The following GLIPR2 variants were observed in gnomAD, a reference collection of about 807,000 sequenced individuals.
The protein encoded by GLIPR2 is GLI pathogenesis related 2.
A neutral mutation model predicts 20.4 loss-of-function variants in GLIPR2; 21 were observed. The observed-to-expected ratio is 1.03, with a 90% confidence interval of 0.73 to 1.48. The LOEUF is 1.48. Among genes scored for constraint, GLIPR2 ranks in the 40% most tolerant of loss-of-function variants. The pLI, the probability that GLIPR2 is intolerant of heterozygous loss-of-function variation, is 0.00. For synonymous variants in GLIPR2, 91 were observed against 80.5 expected (o/e 1.13, Z -0.70); for missense variants, 205 against 200.1 (o/e 1.02, Z -0.15).
chr9:36,160,149 G>T (rs1293229271), intron 4 of GLIPR2, among the ~76,000 whole-genome samples: 2 of 151,930 alleles, frequency 1.3e-5, no homozygotes, highest in East Asian at 3.9e-4. Flanking sequence ...CAGCCTTCCC[G>T]ATTAGCTGGG....
intron 4 of GLIPR2, among the ~76,000 whole-genome samples, chr9:36,158,086 T>TA (rs1366223162): frequency 1.3e-5 from 2 of 152,256 alleles, no homozygotes; most frequent in Non-Finnish European, 2.9e-5. Flanking sequence ...GTGCTGGGAT[T>TA]ACAGGCGTGA....
intron 4 of GLIPR2, among the ~76,000 whole-genome samples, chr9:36,157,059 C>T (rs530240569): frequency 3.3e-5 from 5 of 152,006 alleles, no homozygotes; most frequent in East Asian, 3.9e-4. Context: ...CACTGTTGCC[C>T]GGGCTGGAGT....
chr9:36,138,452 T>C (rs951345880), intron 1 of GLIPR2, among the ~76,000 whole-genome samples: 1 of 152,168 alleles, frequency 6.6e-6, no homozygotes, highest in Non-Finnish European at 1.5e-5. Flanking sequence ...CTTGAACTCC[T>C]GACCTCATGA....
intron 1 of GLIPR2, chr9:36,144,729 G>T (rs16932993): frequency 0.04 from 6,157 of 152,436 alleles, 412 homozygotes; most frequent in African/African-American, 0.14. Context: ...TAGAGCTTGC[G>T]CCGCGTACTC....
chr9:36,138,054 G>T (rs1251539707), intron 1 of GLIPR2, among the ~76,000 whole-genome samples: 1 of 152,234 alleles, frequency 6.6e-6, no homozygotes, highest in Non-Finnish European at 1.5e-5. Flanking sequence ...GTTCTTCACA[G>T]TATGGAAAGG....
chr9:36,142,199 C>T (rs1825120292), intron 1 of GLIPR2, among the ~76,000 whole-genome samples: 2 of 152,104 alleles, frequency 1.3e-5, no homozygotes, highest in Admixed American at 1.3e-4. Flanking sequence ...AGTCAGCTGC[C>T]ACCCCTGTCT....
At chr9:36,158,065 A>G (rs1353994813) in intron 4 of GLIPR2, among the ~76,000 whole-genome samples, 1 of 152,120 alleles carries the variant, frequency 6.6e-6, no homozygotes, top group Non-Finnish European at 1.5e-5. Context: ...CGCCCACCTC[A>G]ACCTCCCAAA....
chr9:36,162,045 T>C (rs768282904), intron 4 of GLIPR2, among the ~76,000 whole-genome samples: 1 of 151,970 alleles, frequency 6.6e-6, no homozygotes, highest in Non-Finnish European at 1.5e-5. Context: ...CGTGGTGGCA[T>C]GCACCTGTAG....
chr9:36,155,288 A>T (rs1825782041), intron 4 of GLIPR2, among the ~76,000 whole-genome samples: 2 of 152,246 alleles, frequency 1.3e-5, no homozygotes, highest in Admixed American at 1.3e-4. Flanking sequence ...AATAAATTAT[A>T]GCTAAGTTTT....
intron 4 of GLIPR2, chr9:36,162,117 G>A (rs987055046): frequency 8.9e-6 from 7 of 790,562 alleles, no homozygotes; most frequent in Non-Finnish European, 1.3e-5. Context: ...GGAGGTTGCA[G>A]TGAGCCAAGA....
chr9:36,160,925 C>T (rs892553649), intron 4 of GLIPR2, among the ~76,000 whole-genome samples: 2 of 151,938 alleles, frequency 1.3e-5, no homozygotes, highest in African/African-American at 4.8e-5. Context: ...CACCTGTAGT[C>T]CCAGCTACTT....
chr9:36,147,598 C>T (rs1344671601), intron 1 of GLIPR2, among the ~76,000 whole-genome samples, 188 bp from the exon 2 acceptor site: 3 of 152,212 alleles, frequency 2.0e-5, no homozygotes, highest in Admixed American at 6.5e-5. Context: ...ATGTGGAGCG[C>T]GATGCCAGGT....
Position 36,152,952 on chromosome 9 carries a change from C to CAAAAA in GLIPR2, c.304+2028_304+2032dup, listed in dbSNP as rs67296666. Among the ~76,000 whole-genome samples the CAAAAA allele has an allele frequency of 1.4e-3, 20 of 14,030 alleles. 4 individuals carry two copies. Among genetic ancestry groups the CAAAAA allele is most frequent in the Admixed American group, 2.6e-3 (2 of 782 alleles). The allele number at this position is 14,030 out of a possible 152,430, so 9.2% of individuals were successfully genotyped here. ...TGAAATCCTGTCTCTACTGAAAGTG[C>CAAAAA]AAAAAAAAAAAAAAAAAAAAAAAAA... On this transcript the variant is annotated intron_variant, in intron 4 of 4. Transcript: ENST00000377960.
chr9:36,160,386 A>G (rs1171488349), intron 4 of GLIPR2, among the ~76,000 whole-genome samples: 1 of 152,114 alleles, frequency 6.6e-6, no homozygotes, highest in Non-Finnish European at 1.5e-5. Context: ...CCAGCTACTC[A>G]GGAAGCTGAG....
At position 36,154,081 on chromosome 9, in the gene GLIPR2, T is replaced by G. The variant is rs1367254009; in HGVS notation, c.304+3132T>G. Among the ~76,000 whole-genome samples, 5 of 94,816 alleles carry G rather than the reference T, an allele frequency of 5.3e-5. No individual in the cohort carries two copies. The East Asian group carries it at 1.4e-3, about 26-fold the overall frequency. The allele number at this position is 94,816 out of a possible 152,430, so 62.2% of individuals were successfully genotyped here. On this transcript the variant is annotated intron_variant, in intron 4 of 4. Transcript: ENST00000377960. ...TATATATTATATATTATATATTATA[T>G]ATTATATATATATATCTTTTCCCCC...
Position 36,163,606 on chromosome 9 carries a change from G to C in GLIPR2, c.*1084G>C, listed in dbSNP as rs1226618311. The C allele has an allele frequency of 6.5e-6, 1 of 152,762 alleles. No individual in the cohort carries two copies. The highest frequency in any genetic ancestry group is 2.4e-5 in the African/African-American group (1 of 41,478). 9.5% of individuals were successfully genotyped at this position (152,762 alleles called of 1,614,324 possible). A position where few individuals can be genotyped will look rare whatever the true frequency, so the allele number is the denominator to read the frequency against. On this transcript the variant is annotated 3_prime_UTR_variant, in exon 5 of 5. Coordinates refer to ENST00000377960, the MANE Select transcript of GLIPR2 (RefSeq NM_022343.4). ...GCAGGGGGCTTAGAAGTGCTAATAT[G>C]GTTCTGTGTTTTGCCTGAAACGATA...
Position 36,147,828 on chromosome 9 carries a change from A to AGT in GLIPR2, c.57_58dup (p.Tyr20CysfsTer11). 3 of 1,600,542 alleles carry AGT rather than the reference A, an allele frequency of 1.9e-6. No homozygotes were observed. Among genetic ancestry groups the AGT allele is most frequent in the Non-Finnish European group, 2.6e-6 (3 of 1,167,598 alleles). ...AATGAGGTCCTGAAGGCCCACAATG[A>AGT]GTACCGGCAGAAGCACGGCGTCCCC... On this transcript the variant is annotated frameshift_variant, in exon 2 of 5. Transcript: ENST00000377960. LOFTEE classifies it high-confidence loss of function.
In GLIPR2 at chr9:36,162,626, T is replaced by TTG. The variant is rs1272144408; in HGVS notation, c.*113_*114dup. The TTG allele has an allele frequency of 8.9e-7, 1 of 1,127,866 alleles. No individual in the cohort carries two copies. The highest frequency in any genetic ancestry group is 1.3e-6 in the Non-Finnish European group (1 of 775,950). The allele number at this position is 1,127,866 out of a possible 1,614,324, so 69.9% of individuals were successfully genotyped here. ...CGTCTGTCCCTGTGGGTGTATGTGC[T>TTG]TGTGTGTGTGATGCATGTGAGCGTC... On this transcript the variant is annotated 3_prime_UTR_variant, in exon 5 of 5. Coordinates refer to ENST00000377960, the MANE Select transcript of GLIPR2 (RefSeq NM_022343.4).
chr9:36,160,469 C>T (rs187881548), intron 4 of GLIPR2, among the ~76,000 whole-genome samples: 1 of 151,314 alleles, frequency 6.6e-6, no homozygotes, highest in East Asian at 2.0e-4. Context: ...CTCCATCCAG[C>T]CTAGGTGACA....
Sources: gnomAD v4.1 joint callset for allele counts (sites outside exome capture counted in the v4.1 genomes callset) on GRCh38, gnomAD v4.1.1 for gene constraint, MANE v1.5 for transcripts, NCBI Gene and HGNC (gene_info 2026-07-23, HGNC 2026-07-21) for gene names.